TSPAN9: variants seen among roughly 807,000 people sequenced by gnomAD.
TSPAN9 encodes the protein tetraspanin-9.
TSPAN9 carries 16 observed loss-of-function variants against 31.0 expected under a neutral mutation model. The ratio of observed to expected loss-of-function variants is 0.52; its 90% CI spans 0.35 to 0.78. The LOEUF (loss-of-function observed/expected upper bound fraction) is 0.78. TSPAN9 is among the 30% of genes least tolerant of loss of function. The probability of loss-of-function intolerance (pLI) is 0.01; values close to 1 mark genes in which losing one functional copy is unlikely to be tolerated. For missense variants in TSPAN9, 272 were observed against 312.5 expected, an observed-to-expected ratio of 0.87 and a Z score of 0.98; for synonymous variants, 145 against 121.6, an observed-to-expected ratio of 1.19 and a Z score of -1.27.
chr12:3,245,488 G>A (rs1016615819), intron 3 of TSPAN9, among the ~76,000 whole-genome samples: 1 of 152,244 alleles, frequency 6.6e-6, no homozygotes, highest in East Asian at 1.9e-4. Flanking sequence ...GGGGAAGGGA[G>A]TGAGGCGGGG....
intron 3 of TSPAN9, among the ~76,000 whole-genome samples, chr12:3,235,004 T>C (rs1177427647): frequency 7.8e-6 from 1 of 128,488 alleles, no homozygotes; most frequent in South Asian, 2.5e-4. Flanking sequence ...ACTAAAAAAA[T>C]ACAAAAAAAA....
At chr12:3,216,041 G>A (rs541484923) in intron 3 of TSPAN9, among the ~76,000 whole-genome samples, 146 of 152,132 alleles carry the variant, frequency 9.6e-4, no homozygotes, top group Non-Finnish European at 1.8e-3. Flanking sequence ...ATCCCTGGTC[G>A]CCCTGCTTCC....
intron 2 of TSPAN9, among the ~76,000 whole-genome samples, chr12:3,092,660 A>G (rs1247076915): frequency 6.6e-6 from 1 of 152,172 alleles, no homozygotes; most frequent in Admixed American, 6.5e-5. Flanking sequence ...TTTGACATAA[A>G]AAATGACGCT....
intron 2 of TSPAN9, among the ~76,000 whole-genome samples, chr12:3,145,931 A>C (rs1009788215): frequency 2.6e-5 from 4 of 152,240 alleles, no homozygotes; most frequent in Non-Finnish European, 5.9e-5. Context: ...CTTGGCAGGC[A>C]GAAGAGACAG....
chr12:3,139,362 C>T (rs1413481054), intron 2 of TSPAN9, among the ~76,000 whole-genome samples: 2 of 152,294 alleles, frequency 1.3e-5, no homozygotes, highest in South Asian at 4.1e-4. Context: ...ACACCTCCCC[C>T]TCCCCCTCCT....
At chr12:3,160,125 A>G (rs549818513) in intron 2 of TSPAN9, among the ~76,000 whole-genome samples, 2 of 152,160 alleles carry the variant, frequency 1.3e-5, no homozygotes, top group Non-Finnish European at 2.9e-5. Flanking sequence ...GCAACCACTA[A>G]TCTGTGTTCT....
intron 2 of TSPAN9, among the ~76,000 whole-genome samples, chr12:3,118,521 A>T (rs2153965986): frequency 6.6e-6 from 1 of 151,878 alleles, no homozygotes; most frequent in Admixed American, 6.6e-5. Flanking sequence ...TTGGCCTCCC[A>T]AAGTGTTGGG....
At chr12:3,271,610 C>G (rs143975286) in intron 3 of TSPAN9, among the ~76,000 whole-genome samples, 1 of 152,090 alleles carries the variant, frequency 6.6e-6, no homozygotes, top group Admixed American at 6.5e-5. Context: ...CTGGGAGACC[C>G]GTGTGGCTGC....
At position 3,090,099 on chromosome 12, in the gene TSPAN9, C is replaced by T. The variant is rs567506755; in HGVS notation, c.-18+6380C>T. ...AGATATTTCTGGATAGACTAGCATC[C>T]AGCCGTCCACCTATTTATCTTCTCA... On this transcript the variant is annotated intron_variant, in intron 2 of 8. Transcript: ENST00000011898. 4.6e-5 allele frequency among the ~76,000 whole-genome samples: 7 copies of T among 152,208 alleles called. No homozygotes were observed. In the South Asian group the frequency reaches 1.2e-3, roughly 27 times the overall value.
Position 3,147,534 on chromosome 12 carries a change from T to A in TSPAN9, c.-17-53643T>A, listed in dbSNP as rs1251160386. Among the ~76,000 whole-genome samples, 1 of 151,946 alleles carries A rather than the reference T, an allele frequency of 6.6e-6. No individual in the cohort carries two copies. On this transcript the variant is annotated intron_variant, in intron 2 of 8. Coordinates refer to ENST00000011898, the MANE Select transcript of TSPAN9 (RefSeq NM_006675.5). This position sits in a 1 kb window ranked among gnomAD's most constrained non-coding sequence, Gnocchi z 4.3. ...ACTTCCAGATTCAGTTTGAGCCACC[T>A]AGGGCCTGTTCTGCCCCCGAAGAGA...
At chr12:3,266,626 G>T (rs561933598) in intron 3 of TSPAN9, among the ~76,000 whole-genome samples, 63 of 152,310 alleles carry the variant, frequency 4.1e-4, no homozygotes, top group Non-Finnish European at 5.9e-5. Context: ...GACCAGGAGA[G>T]CCCTGAAGTG....
intron 3 of TSPAN9, among the ~76,000 whole-genome samples, chr12:3,275,764 G>A (rs11614074): frequency 0.073 from 11,131 of 152,304 alleles, 558 homozygotes; most frequent in Non-Finnish European, 0.097. Context: ...CCAGGGGACA[G>A]GAGGCACAGG....
At chr12:3,174,991 C>T (rs942452124) in intron 2 of TSPAN9, among the ~76,000 whole-genome samples, 1 of 152,082 alleles carries the variant, frequency 6.6e-6, no homozygotes, top group Non-Finnish European at 1.5e-5. Context: ...TTCTTTTCTT[C>T]CTTATTTTCT....
rs1862981240 is a variant in TSPAN9, at chr12:3,284,778, G to A, written c.*1662G>A. 6.6e-6 allele frequency: 1 copy of A among 152,212 alleles called. No homozygotes were observed. The highest frequency in any genetic ancestry group is 1.5e-5 in the Non-Finnish European group (1 of 68,070). The allele number at this position is 152,212 out of a possible 1,614,324, so 9.4% of individuals were successfully genotyped here. A position where few individuals can be genotyped will look rare whatever the true frequency, so the allele number is the denominator to read the frequency against. ...ACTTGATCAGGTGGGGCCTTGGTGG[G>A]CGGCTGCCTTTCCTATACAGTTTGT... is the stretch of plus-strand genomic sequence containing the variant. On this transcript the variant is annotated 3_prime_UTR_variant, in exon 9 of 9. Transcript: ENST00000011898.
chr12:3,216,216 G>A (rs575330175), intron 3 of TSPAN9, among the ~76,000 whole-genome samples: 175 of 152,212 alleles, frequency 1.1e-3, no homozygotes, highest in African/African-American at 4.0e-3. Flanking sequence ...GGACAGATTT[G>A]CTTGCTTGGG....
At chr12:3,254,079 C>T (rs1862302673) in intron 3 of TSPAN9, among the ~76,000 whole-genome samples, 1 of 152,176 alleles carries the variant, frequency 6.6e-6, no homozygotes, top group Non-Finnish European at 1.5e-5. Flanking sequence ...CCTCCTGTGA[C>T]TGGTGTGAAG....
At chr12:3,129,027 T>C (rs553100866) in intron 2 of TSPAN9, among the ~76,000 whole-genome samples, 59 of 152,306 alleles carry the variant, frequency 3.9e-4, no homozygotes, top group African/African-American at 1.3e-3. Flanking sequence ...ATATTGAACC[T>C]TTCGTGACTG....
intron 2 of TSPAN9, among the ~76,000 whole-genome samples, chr12:3,090,393 G>A (rs543806193): frequency 3.0e-4 from 46 of 152,252 alleles, no homozygotes; most frequent in African/African-American, 9.9e-4. Context: ...TTATTAATGC[G>A]GTAGCAGTCA....
At chr12:3,281,599 G>T in intron 7 of TSPAN9, 135 bp from the exon 8 acceptor site, 1 of 1,151,502 alleles carries the variant, frequency 8.7e-7, no homozygotes. Flanking sequence ...CCAAGGGATG[G>T]GGACAGGGCT....
Sources: allele counts gnomAD v4.1 joint callset (sites outside exome capture counted in the v4.1 genomes callset), GRCh38; gene constraint gnomAD v4.1.1; non-coding constraint Gnocchi (gnomAD v3.1); transcripts MANE v1.5; gene names NCBI Gene and HGNC (gene_info 2026-07-23, HGNC 2026-07-21).